The following SLCO1B1 variants were observed in gnomAD, a reference collection of about 807,000 sequenced individuals.
The protein encoded by SLCO1B1 is solute carrier organic anion transporter family member 1B1.
A neutral mutation model predicts 70.1 loss-of-function variants in SLCO1B1; 81 were observed. The observed-to-expected ratio is 1.16, with a 90% CI of 0.97 to 1.39. The LOEUF (loss-of-function observed/expected upper bound fraction) is 1.39, where lower values mean the gene tolerates loss of function less well. Ranked by LOEUF, SLCO1B1 falls within the 40% of genes most tolerant of loss-of-function variation. The pLI is 0.00. For missense variants in SLCO1B1, 895 were observed against 799.6 expected (o/e 1.12, Z -1.44); for synonymous variants, 283 against 271.5 (o/e 1.04, Z -0.42).
At chr12:21,207,371 A>G (rs768722082) in intron 11 of SLCO1B1, among the ~76,000 whole-genome samples, 25 of 151,932 alleles carry the variant, frequency 1.6e-4, no homozygotes, top group Non-Finnish European at 3.4e-4. Context: ...GCTTCCACTT[A>G]TAAGTGAGAA....
chr12:21,132,081 G>A (rs1378650761), intron 1 of SLCO1B1, among the ~76,000 whole-genome samples: 1 of 152,032 alleles, frequency 6.6e-6, no homozygotes, highest in Admixed American at 6.6e-5. Flanking sequence ...GTGAGAACAT[G>A]CGGTGTTTGG....
intron 2 of SLCO1B1, among the ~76,000 whole-genome samples, chr12:21,166,043 G>A (rs779200685): frequency 9.2e-5 from 14 of 151,698 alleles, no homozygotes; most frequent in Non-Finnish European, 1.8e-4. Context: ...CAAAACATAC[G>A]GAACTGTGGG....
intron 3 of SLCO1B1, 105 bp downstream of exon 3, chr12:21,172,896 A>G: frequency 9.3e-7 from 1 of 1,074,908 alleles, no homozygotes; most frequent in Non-Finnish European, 1.4e-6. Context: ...CTCACAGGCA[A>G]TTTGGCAATA....
chr12:21,233,808 C>A (rs1347098027), intron 14 of SLCO1B1, among the ~76,000 whole-genome samples: 1 of 152,214 alleles, frequency 6.6e-6, no homozygotes, highest in Non-Finnish European at 1.5e-5. Context: ...GTGCCAGAGT[C>A]AGCCCACAGT....
Position 21,158,319 on chromosome 12 carries a change from A to T in SLCO1B1, c.85-14331A>T, listed in dbSNP as rs1237019665. ...ATGTTATTAGATGTTTAAAATTCAA[A>T]AAATAATTAATTCAATAAATTTTTG... On this transcript the variant is annotated intron_variant, in intron 2 of 14. Transcript: ENST00000256958. 7.9e-5 allele frequency among the ~76,000 whole-genome samples: 12 copies of T among 152,360 alleles called. No homozygotes were observed. The East Asian group carries it at 2.3e-3, about 29-fold the overall frequency.
rs371102023 is a variant in SLCO1B1 at position 21,222,346 on chromosome 12, A to G, written c.1729A>G (p.Met577Val). ...ATCACTTGCACTGGGTTTCCACTCA[A>G]TGGTTATACGAGCACTAGGTATGAT... ...LKSLALGFHS[M>V]VIRALGGILA... The change falls in exon 13 of 15, where the codon ATG becomes GTG. Residue 577 changes from methionine to valine, a missense_variant. Transcript: ENST00000256958. The G allele has an allele frequency of 7.0e-5, 57 of 814,798 alleles. No homozygotes were observed. Among genetic ancestry groups the G allele is most frequent in the Non-Finnish European group, 8.3e-5 (47 of 567,784 alleles). 50.5% of individuals were successfully genotyped at this position (814,798 alleles called of 1,614,324 possible).
At chr12:21,222,394 AAAAATATATAT>A (rs1361282108) in intron 13 of SLCO1B1, 30 bp downstream of exon 13, 1 of 225,490 alleles carries the variant, frequency 4.4e-6, no homozygotes, top group Non-Finnish European at 7.4e-6. Context: ...AAAAAAAAAA[AAAAATATATAT>A]ATATATATAT....
chr12:21,138,772 G>A (rs983970512), intron 1 of SLCO1B1, among the ~76,000 whole-genome samples: 1 of 28,008 alleles, frequency 3.6e-5, no homozygotes, highest in African/African-American at 6.7e-5. Flanking sequence ...TTACAACCAA[G>A]AATGGAGAAT....
At position 21,197,187 on chromosome 12, in the gene SLCO1B1, T is replaced by C; in HGVS notation, c.969T>C (p.Thr323=). ...GAAAAAATATTACCAAAAATGTGACTGGTAAGTATTTAACATTCATTGTCA... is the reference window on the plus strand; with the variant it reads ...GAAAAAATATTACCAAAAATGTGACCGGTAAGTATTTAACATTCATTGTCA... The part of the protein sequence containing the change: ...NQGKNITKNV[T]GFFQSFKSIL... Residue 323 remains threonine, a splice_region_variant and synonymous_variant, in exon 8 of 15, where the codon ACT becomes ACC. Coordinates refer to ENST00000256958, the MANE Select transcript of SLCO1B1 (RefSeq NM_006446.5). 2 of 1,612,764 alleles carry C rather than the reference T, an allele frequency of 1.2e-6. No homozygotes were observed. Among genetic ancestry groups the C allele is most frequent in the Non-Finnish European group, 1.7e-6 (2 of 1,179,248 alleles).
chr12:21,182,366 G>A (rs1211497919), intron 7 of SLCO1B1, among the ~76,000 whole-genome samples: 1 of 152,134 alleles, frequency 6.6e-6, no homozygotes, highest in African/African-American at 2.4e-5. Flanking sequence ...TTGAACCCAG[G>A]GGGTTTTGCA....
chr12:21,162,482 A>G (rs1940633130), intron 2 of SLCO1B1, among the ~76,000 whole-genome samples: 1 of 152,166 alleles, frequency 6.6e-6, no homozygotes, highest in African/African-American at 2.4e-5. Context: ...ATACAAAACA[A>G]ATTCCTACTA....
intron 2 of SLCO1B1, among the ~76,000 whole-genome samples, chr12:21,159,510 G>A (rs1940585485): frequency 6.6e-6 from 1 of 152,036 alleles, no homozygotes; most frequent in Non-Finnish European, 1.5e-5. Context: ...ATAAATATTT[G>A]TGAAAAGGGG....
intron 2 of SLCO1B1, among the ~76,000 whole-genome samples, chr12:21,148,225 T>C (rs1422648574): frequency 6.6e-6 from 1 of 152,224 alleles, no homozygotes; most frequent in East Asian, 1.9e-4. Flanking sequence ...AGATCCCATT[T>C]GTCAATCTGG....
At chr12:21,133,155 C>T (rs1402373831) in intron 1 of SLCO1B1, among the ~76,000 whole-genome samples, 1 of 151,838 alleles carries the variant, frequency 6.6e-6, no homozygotes, top group East Asian at 1.9e-4. Context: ...ATATGCGGCA[C>T]TATTTCTGAG....
At chr12:21,135,745 A>C (rs975522982) in intron 1 of SLCO1B1, among the ~76,000 whole-genome samples, 1 of 151,894 alleles carries the variant, frequency 6.6e-6, no homozygotes, top group African/African-American at 2.4e-5. Context: ...TGTGAGATGG[A>C]TTTCCTGACT....
At chr12:21,212,531 G>A (rs1941300766) in intron 11 of SLCO1B1, among the ~76,000 whole-genome samples, 1 of 136,192 alleles carries the variant, frequency 7.3e-6, no homozygotes, top group Admixed American at 7.8e-5. Flanking sequence ...TGAAAAAAAT[G>A]TATATTCTGT....
At chr12:21,172,307 A>G (rs1302501596) in intron 2 of SLCO1B1, among the ~76,000 whole-genome samples, 1 of 152,214 alleles carries the variant, frequency 6.6e-6, no homozygotes, top group East Asian at 1.9e-4. Context: ...AATGCTATTC[A>G]TATGGAAATA....
At chr12:21,157,707 T>C (rs1940560242) in intron 2 of SLCO1B1, among the ~76,000 whole-genome samples, 1 of 151,568 alleles carries the variant, frequency 6.6e-6, no homozygotes, top group Non-Finnish European at 1.5e-5. Context: ...GTTCACGCCA[T>C]TCTCCTGCCT....
chr12:21,198,934 T>C (rs1941126131), intron 8 of SLCO1B1, among the ~76,000 whole-genome samples: 1 of 152,092 alleles, frequency 6.6e-6, no homozygotes. Context: ...ATATACTCCA[T>C]TTCTGTTGAA....
Sources: allele counts gnomAD v4.1 joint callset (sites outside exome capture counted in the v4.1 genomes callset), GRCh38; gene constraint gnomAD v4.1.1; transcripts MANE v1.5; gene names NCBI Gene and HGNC (gene_info 2026-07-23, HGNC 2026-07-21).